The following RTTN variants were observed in gnomAD, a reference collection of about 807,000 sequenced individuals.
The protein encoded by RTTN is rotatin.
RTTN carries 182 observed loss-of-function variants against 269.2 expected under a neutral mutation model. The ratio of observed to expected loss-of-function variants is 0.68; its 90% CI spans 0.60 to 0.76. RTTN has a LOEUF of 0.76. Among genes scored for constraint, RTTN ranks in the 30% least tolerant of loss-of-function variants. The pLI is 0.00. For synonymous variants in RTTN, 1,006 were observed against 963.5 expected (o/e 1.04, Z -0.82); for missense variants, 2,545 against 2,608.6 (o/e 0.98, Z 0.53).
At chr18:70,115,520 T>A (rs1286518494) in intron 26 of RTTN, among the ~76,000 whole-genome samples, 2 of 149,078 alleles carry the variant, frequency 1.3e-5, no homozygotes, top group Admixed American at 6.7e-5. Context: ...GGCACTGTGC[T>A]AAAAAAAAAA....
At chr18:70,133,228 G>A (rs1043081984) in intron 23 of RTTN, among the ~76,000 whole-genome samples, 3 of 152,126 alleles carry the variant, frequency 2.0e-5, no homozygotes, top group East Asian at 1.9e-4. Context: ...TACTGCAGTC[G>A]TGTGAGTTTC....
intron 35 of RTTN, among the ~76,000 whole-genome samples, chr18:70,061,093 T>C (rs2057971700): frequency 6.6e-6 from 1 of 152,200 alleles, no homozygotes; most frequent in South Asian, 2.1e-4. Flanking sequence ...TACTTTTTTT[T>C]TCTTTTAGAT....
At chr18:70,155,164 T>C (rs980112349) in intron 14 of RTTN, among the ~76,000 whole-genome samples, 3 of 152,184 alleles carry the variant, frequency 2.0e-5, no homozygotes, top group Non-Finnish European at 4.4e-5. Flanking sequence ...TTCTTTTTAT[T>C]ATTTCAACAT....
chr18:70,160,657 GAAAAAAAA>G (rs34101176), intron 14 of RTTN, among the ~76,000 whole-genome samples: 72 of 106,168 alleles, frequency 6.8e-4, no homozygotes, highest in Non-Finnish European at 1.1e-3. Context: ...TTCTATACCT[GAAAAAAAA>G]AAAAAAAAAA....
intron 25 of RTTN, among the ~76,000 whole-genome samples, chr18:70,124,545 A>G (rs368163574): frequency 6.6e-6 from 1 of 152,116 alleles, no homozygotes; most frequent in East Asian, 1.9e-4. Flanking sequence ...AAAAGCAAGG[A>G]TGTATAAAAC....
chr18:70,156,230 T>C (rs1406201530), intron 14 of RTTN, among the ~76,000 whole-genome samples: 5 of 152,162 alleles, frequency 3.3e-5, no homozygotes, highest in Non-Finnish European at 7.4e-5. Flanking sequence ...GGAACATCCC[T>C]GAGAAAGAGA....
intron 3 of RTTN, among the ~76,000 whole-genome samples, chr18:70,202,280 A>ACTTCCTAATCCATCTCCCTCTC (rs2061973876): frequency 6.6e-6 from 1 of 152,170 alleles, no homozygotes; most frequent in Non-Finnish European, 1.5e-5. Context: ...ATCCCTCTCT[A>ACTTCCTAATCCATCTCCCTCTC]CTTCCTAATC....
chr18:70,141,662 T>C (rs1256332673), intron 19 of RTTN, among the ~76,000 whole-genome samples: 2 of 152,082 alleles, frequency 1.3e-5, no homozygotes, highest in Non-Finnish European at 2.9e-5. Context: ...TTAGGAGAAA[T>C]ACCTAATATA....
At chr18:70,057,668 A>G in intron 37 of RTTN, 74 bp downstream of exon 37, 1 of 1,027,938 alleles carries the variant, frequency 9.7e-7, no homozygotes, top group Admixed American at 1.9e-5. Context: ...TCCTATGACT[A>G]GTATCTCCTC....
At position 70,073,983 on chromosome 18, in the gene RTTN, A is replaced by C; in HGVS notation, c.4576T>G (p.Ser1526Ala). ...GATGGAGCCCTCCAAAACTTGAATG[A>C]GTCATCTAAACCTGCAACAACGAGA... ...ESNDLNGLDD[S>A]FKFWRAPSRT... Residue 1526 changes from serine to alanine, a missense_variant, in exon 34 of 49, where the codon TCA becomes GCA. By Grantham distance (99) the Ser-to-Ala change is moderately conservative. Transcript: ENST00000640769. The C allele has an allele frequency of 1.9e-6, 3 of 1,610,572 alleles. No individual in the cohort carries two copies. Among genetic ancestry groups the C allele is most frequent in the Non-Finnish European group, 2.5e-6 (3 of 1,177,362 alleles).
At chr18:70,162,720 G>GGA (rs376392667) in intron 14 of RTTN, among the ~76,000 whole-genome samples, 366 of 151,658 alleles carry the variant, frequency 2.4e-3, no homozygotes, top group Non-Finnish European at 3.9e-3. Context: ...ATTTGGGTGG[G>GGA]GACACAAAGA....
intron 4 of RTTN, among the ~76,000 whole-genome samples, chr18:70,201,468 C>T (rs113188847): frequency 2.6e-5 from 4 of 151,158 alleles, no homozygotes; most frequent in Non-Finnish European, 5.9e-5. Context: ...ATTAGCTGGG[C>T]GTAGTGGCGG....
chr18:70,061,376 A>G (rs1249536954), intron 35 of RTTN: 3 of 456,112 alleles, frequency 6.6e-6, no homozygotes, highest in African/African-American at 4.0e-5. Flanking sequence ...CTAAAATTGG[A>G]TATTTGTTCC....
chr18:70,057,772 T>C lies in RTTN; in HGVS notation c.5001A>G (p.Ser1667=), dbSNP rs1156722123. 1.3e-5 allele frequency: 21 copies of C among 1,613,772 alleles called. No individual in the cohort carries two copies. The highest frequency in any genetic ancestry group is 1.8e-5 in the Non-Finnish European group (21 of 1,179,848). Residue 1667 remains serine (S), a synonymous_variant, in exon 37 of 49, where the codon TCA becomes TCG. Coordinates refer to ENST00000640769, the MANE Select transcript of RTTN (RefSeq NM_173630.4). ...CCTGAGTGTGTTCAGCTGGAGGTGA[T>C]GAAGGCAGCAGGGCTCTGAGTTCCT... ...CVQELRALLP[S]SPPAEHTQAQ...
intron 32 of RTTN, among the ~76,000 whole-genome samples, chr18:70,077,374 A>G (rs1192013046): frequency 6.6e-6 from 1 of 151,982 alleles, no homozygotes; most frequent in East Asian, 1.9e-4. Flanking sequence ...AAAAACAGAA[A>G]AAAATGACAT....
chr18:70,191,075 T>C (rs993521520), intron 8 of RTTN, among the ~76,000 whole-genome samples: 11 of 151,886 alleles, frequency 7.2e-5, no homozygotes, highest in Non-Finnish European at 1.0e-4. Context: ...ACACCTGTAA[T>C]CCCAGCTACT....
At position 70,166,186 on chromosome 18, in the gene RTTN, CA is replaced by C; in HGVS notation, c.1804del (p.Trp602GlyfsTer29). The stretch of plus-strand genomic sequence containing the variant: ...TAATGGACTGGCCTGAGCAGATTTC[CA>C]GCTGGTGAAAAGGTAAAACAACCAA... ...KEIISICSKI[W>X]KSAQASPLLQ... On this transcript the variant is annotated frameshift_variant and splice_region_variant, in exon 14 of 49. Coordinates refer to ENST00000640769, the MANE Select transcript of RTTN (RefSeq NM_173630.4). LOFTEE classifies it high-confidence loss of function. 6.2e-7 allele frequency: 1 copy of C among 1,611,028 alleles called. No individual in the cohort carries two copies.
rs778494442 is a variant in RTTN at position 70,150,681 on chromosome 18, C to T, written c.1982G>A (p.Gly661Glu). The T allele has an allele frequency of 6.2e-6, 10 of 1,610,742 alleles. No homozygotes were observed. The highest frequency in any genetic ancestry group is 8.5e-6 in the Non-Finnish European group (10 of 1,177,426). The change falls in exon 15 of 49, where the codon GGA becomes GAA. Residue 661 changes from glycine to glutamate, a missense_variant. Transcript: ENST00000640769. The part of the protein sequence containing the change: ...VTKPVSSLCN[G>E]IHFLLHPKVL... ...TTTTGGATGAAGTAGAAAATGAATTCCATTGCAAAGTGAAGACACGGGTTT... is the reference window on the plus strand; with the variant it reads ...TTTTGGATGAAGTAGAAAATGAATTTCATTGCAAAGTGAAGACACGGGTTT...
intron 10 of RTTN, among the ~76,000 whole-genome samples, chr18:70,179,696 A>C (rs973297027): frequency 2.0e-5 from 3 of 152,250 alleles, no homozygotes; most frequent in Admixed American, 6.5e-5. Context: ...TATTACCAAT[A>C]AAACAGATTT....
Sources: allele counts gnomAD v4.1 joint callset (sites outside exome capture counted in the v4.1 genomes callset), GRCh38; gene constraint gnomAD v4.1.1; transcripts MANE v1.5; gene names NCBI Gene and HGNC (gene_info 2026-07-23, HGNC 2026-07-21).